Variants in PSTPIP1 observed in about 807,000 individuals in gnomAD.
PSTPIP1 encodes the protein proline-serine-threonine phosphatase interacting protein 1.
A neutral mutation model predicts 69.6 loss-of-function variants in PSTPIP1; 66 were observed. That is an observed-to-expected ratio of 0.95 (90% CI 0.78 to 1.16). The LOEUF is 1.16. PSTPIP1 is among the 50% of genes most tolerant of loss of function. The pLI, the probability that PSTPIP1 is intolerant of heterozygous loss-of-function variation, is 0.00. For missense variants in PSTPIP1, 603 were observed against 557.4 expected, an observed-to-expected ratio of 1.08 and a Z score of -0.82; for synonymous variants, 266 against 222.7, an observed-to-expected ratio of 1.19 and a Z score of -1.73.
At chr15:77,032,583 G>A (rs948107195) in intron 11 of PSTPIP1, 189 bp downstream of exon 11, 7 of 649,122 alleles carry the variant, frequency 1.1e-5, no homozygotes, top group Middle Eastern at 2.5e-4. Flanking sequence ...AAAGCTAAGG[G>A]CATGATGGCA....
Position 77,027,969 on chromosome 15 carries a change from A to C in PSTPIP1, c.417+55A>C, listed in dbSNP as rs2076322656. ...TCCCTCGAGGAGCAGCGCAGGTCTC[A>C]GGGTGCGATCCTGGGCTGTGGCCCC... On this transcript the variant is annotated intron_variant, in intron 6 of 14. Coordinates refer to ENST00000558012, the MANE Select transcript of PSTPIP1 (RefSeq NM_003978.5). The surrounding 1 kb of genome is among the most constrained non-coding windows in gnomAD (Gnocchi z 4.3). The C allele has an allele frequency of 1.4e-6, 2 of 1,453,998 alleles. No individual in the cohort carries two copies. Among genetic ancestry groups the C allele is most frequent in the Non-Finnish European group, 1.9e-6 (2 of 1,060,640 alleles). The allele number at this position is 1,453,998 out of a possible 1,614,324, so 90.1% of individuals were successfully genotyped here.
At position 77,018,198 on chromosome 15, in the gene PSTPIP1, T is replaced by A; in HGVS notation, c.87T>A (p.Leu29=). Residue 29 remains leucine, a synonymous_variant, in exon 2 of 15, where the codon CTT becomes CTA. Coordinates refer to ENST00000558012, the MANE Select transcript of PSTPIP1 (RefSeq NM_003978.5). ...HTGYEVLLQR[L]LDGRKMCKDM... ...GCTACGAGGTGCTGCTGCAGCGGCTTCTGGATGGCAGGAAGATGTGCAAAG... is the reference window on the plus strand; with the variant it reads ...GCTACGAGGTGCTGCTGCAGCGGCTACTGGATGGCAGGAAGATGTGCAAAG... 6.3e-7 allele frequency: 1 copy of A among 1,590,584 alleles called. No individual in the cohort carries two copies. Among genetic ancestry groups the A allele is most frequent in the Non-Finnish European group, 8.6e-7 (1 of 1,169,536 alleles).
chr15:77,006,405 C>A lies in PSTPIP1; in HGVS notation c.36+10796C>A, dbSNP rs569644776. 5.3e-5 allele frequency among the ~76,000 whole-genome samples: 8 copies of A among 152,292 alleles called. No homozygotes were observed. In the East Asian group the frequency reaches 1.5e-3, roughly 29 times the overall value. On this transcript the variant is annotated intron_variant, in intron 1 of 14. Coordinates refer to ENST00000558012, the MANE Select transcript of PSTPIP1 (RefSeq NM_003978.5). ...TGATTTGTAAATATTTTCTCCCACT[C>A]TGGAGTGTCTTTTCACTGTTTTGAT... is the stretch of plus-strand genomic sequence containing the variant.
rs376565378 is a variant in PSTPIP1 at position 77,025,332 on chromosome 15, C to T, written c.247+14C>T. On this transcript the variant is annotated intron_variant, in intron 4 of 14. Transcript: ENST00000558012. ...CCTTGAAGCAGCGTAAGTCCCCTACCCTGGGGCAATGGGATCTTTTGGGAC... is the reference window on the plus strand; with the variant it reads ...CCTTGAAGCAGCGTAAGTCCCCTACTCTGGGGCAATGGGATCTTTTGGGAC... 63 of 1,605,024 alleles carry T rather than the reference C, an allele frequency of 3.9e-5. 1 individual carries two copies. Among genetic ancestry groups the T allele is most frequent in the Non-Finnish European group, 5.4e-5 (63 of 1,171,950 alleles).
rs575195512 is a variant in PSTPIP1, at chr15:77,036,507, G to A, written c.1120-538G>A. ...CAGGGCAGCTATGAGAGTCCTTTCT[G>A]CTCCCTGCTTGAGGGGAAGAATGCA... On this transcript the variant is annotated intron_variant, in intron 14 of 14. Coordinates refer to ENST00000558012, the MANE Select transcript of PSTPIP1 (RefSeq NM_003978.5). Among the ~76,000 whole-genome samples, 4 of 152,284 alleles carry A rather than the reference G, an allele frequency of 2.6e-5. No individual in the cohort carries two copies. The South Asian group carries it at 8.3e-4, about 32-fold the overall frequency.
intron 3 of PSTPIP1, among the ~76,000 whole-genome samples, chr15:77,021,551 A>G (rs940531219): frequency 2.0e-5 from 3 of 152,134 alleles, no homozygotes; most frequent in Non-Finnish European, 4.4e-5. Flanking sequence ...TGGTGACGCG[A>G]GCCTGCAGTC....
intron 3 of PSTPIP1, 68 bp from the exon 4 acceptor site, chr15:77,025,216 G>A (rs1331985911): frequency 2.0e-6 from 3 of 1,519,058 alleles, no homozygotes; most frequent in Non-Finnish European, 1.8e-6. Context: ...ACCCCGCCGG[G>A]AGGCAGCCTG....
Position 77,032,348 on chromosome 15 carries a change from C to T in PSTPIP1, c.792C>T (p.Asp264=), listed in dbSNP as rs1224633016. The T allele has an allele frequency of 1.8e-5, 29 of 1,612,550 alleles. No homozygotes were observed. The highest frequency in any genetic ancestry group is 2.4e-5 in the Non-Finnish European group (28 of 1,179,780). ...TGGAAGGCTGCAGCATAGACGCCGA[C>T]ATCGACAGTTTCATCCAGGCCAAGA... ...LTLEGCSIDA[D]IDSFIQAKST... The change falls in exon 11 of 15, where the codon GAC becomes GAT. Residue 264 remains aspartate (D), a synonymous_variant. Coordinates refer to ENST00000558012, the MANE Select transcript of PSTPIP1 (RefSeq NM_003978.5).
chr15:76,994,877 C>A, upstream of PSTPIP1: 14 of 1,288,422 alleles, frequency 1.1e-5, no homozygotes, highest in South Asian at 1.5e-4. Context: ...CTGGGCCCAG[C>A]CTGGAAGGGT....
intron 14 of PSTPIP1, among the ~76,000 whole-genome samples, chr15:77,036,522 G>A (rs558025594): frequency 2.0e-5 from 3 of 152,270 alleles, no homozygotes; most frequent in South Asian, 2.1e-4. Flanking sequence ...CTGCTTGAGG[G>A]GAAGAATGCA....
At chr15:77,036,978 G>A in intron 14 of PSTPIP1, 67 bp from the exon 15 acceptor site, 3 of 1,576,250 alleles carry the variant, frequency 1.9e-6, no homozygotes, top group South Asian at 1.1e-5. Context: ...GGGAACGCCA[G>A]GCCCCTCCCT....
chr15:77,025,483 A>G lies in PSTPIP1; in HGVS notation c.248-15A>G. The G allele has an allele frequency of 6.4e-7, 1 of 1,568,090 alleles. No individual in the cohort carries two copies. Among genetic ancestry groups the G allele is most frequent in the South Asian group, 1.2e-5 (1 of 86,266 alleles). On this transcript the variant is annotated splice_polypyrimidine_tract_variant and intron_variant, in intron 4 of 14. Coordinates refer to ENST00000558012, the MANE Select transcript of PSTPIP1 (RefSeq NM_003978.5). Reference sequence around the variant, plus strand: ...GATCTGACACTGGGGACCAGTATCCATGCTCTGCCCCCAGAAATGGAGAAT... The same window carrying G: ...GATCTGACACTGGGGACCAGTATCCGTGCTCTGCCCCCAGAAATGGAGAAT...
Position 77,030,518 on chromosome 15 carries a change from G to A in PSTPIP1, c.579G>A (p.Gln193=). 1 of 1,612,686 alleles carries A rather than the reference G, an allele frequency of 6.2e-7. No homozygotes were observed. The change falls in exon 9 of 15, where the codon CAG becomes CAA. Residue 193 remains glutamine, a synonymous_variant. Coordinates refer to ENST00000558012, the MANE Select transcript of PSTPIP1 (RefSeq NM_003978.5). ...SATEAERVYR[Q]SIAQLEKVRA... ...CGCTTTCAGAGCGGGTATACAGGCA[G>A]AGCATTGCGCAGCTGGAGAAGGTCC...
chr15:76,997,002 G>A (rs944448872), intron 1 of PSTPIP1, among the ~76,000 whole-genome samples: 2 of 152,210 alleles, frequency 1.3e-5, no homozygotes, highest in African/African-American at 2.4e-5. Context: ...TTTTATCACT[G>A]AGACCTCTGT....
intron 1 of PSTPIP1, among the ~76,000 whole-genome samples, chr15:77,004,225 C>A (rs2075770601): frequency 6.6e-6 from 1 of 152,188 alleles, no homozygotes; most frequent in African/African-American, 2.4e-5. Flanking sequence ...GGTCAGAGAG[C>A]CCTTTGCAGT....
intron 1 of PSTPIP1, among the ~76,000 whole-genome samples, chr15:77,013,891 C>T (rs2075995868): frequency 6.6e-6 from 1 of 152,196 alleles, no homozygotes; most frequent in Admixed American, 6.5e-5. Context: ...CTCTGCTCCC[C>T]TTTAAATGGA....
intron 10 of PSTPIP1, 138 bp from the exon 11 acceptor site, chr15:77,032,160 C>A (rs890299919): frequency 4.0e-6 from 3 of 759,444 alleles, no homozygotes; most frequent in Non-Finnish European, 6.5e-6. Context: ...AGGGCCGTGA[C>A]CCCTCAGGAT....
rs770543515 is a variant in PSTPIP1 at position 77,032,845 on chromosome 15, C to A, written c.839-17C>A. On this transcript the variant is annotated splice_polypyrimidine_tract_variant and intron_variant, in intron 11 of 14. Transcript: ENST00000558012. ...GTGTTGGGGGCCGCCCTGGGGCTCA[C>A]GGCTTGCTGTCTGCAGCTCCGGTGC... 3.9e-5 allele frequency: 60 copies of A among 1,553,936 alleles called. 1 individual carries two copies. The South Asian group carries it at 6.9e-4, about 18-fold the overall frequency.
chr15:76,997,877 C>T (rs1259788346), intron 1 of PSTPIP1, among the ~76,000 whole-genome samples: 1 of 152,230 alleles, frequency 6.6e-6, no homozygotes, highest in Non-Finnish European at 1.5e-5. Flanking sequence ...ATGTCTGGGC[C>T]TTCCCCCACC....
Sources: gnomAD v4.1 joint callset for allele counts (sites outside exome capture counted in the v4.1 genomes callset) on GRCh38, gnomAD v4.1.1 for gene constraint, Gnocchi (gnomAD v3.1) non-coding constraint, MANE v1.5 for transcripts, NCBI Gene and HGNC (gene_info 2026-07-23, HGNC 2026-07-21) for gene names.